The following VGLL4 variants were observed in gnomAD, a reference collection of about 807,000 sequenced individuals.
VGLL4 encodes the protein vestigial like family member 4.
VGLL4 carries 7 observed loss-of-function variants against 21.0 expected under a neutral mutation model. That is an observed-to-expected ratio of 0.33 (90% CI 0.19 to 0.63). The LOEUF is 0.63. VGLL4 is among the 20% of genes least tolerant of loss of function. VGLL4 has a pLI of 0.78. For synonymous variants in VGLL4, 222 were observed against 173.2 expected, an observed-to-expected ratio of 1.28 and a Z score of -2.21; for missense variants, 394 against 425.7, an observed-to-expected ratio of 0.93 and a Z score of 0.66.
At position 11,558,528 on chromosome 3, in the gene VGLL4, C is replaced by A; in HGVS notation, c.*28G>T. Reference sequence around the variant, plus strand: ...CAAAGCTCAGGCAAACCATGCAGATCCACGTGTTGTTGGAGGAGGCGCTCC... The same window carrying A: ...CAAAGCTCAGGCAAACCATGCAGATACACGTGTTGTTGGAGGAGGCGCTCC... On this transcript the variant is annotated 3_prime_UTR_variant, in exon 5 of 5. Coordinates refer to ENST00000430365, the MANE Select transcript of VGLL4 (RefSeq NM_001128219.3). 1 of 1,424,686 alleles carries A rather than the reference C, an allele frequency of 7.0e-7. No homozygotes were observed. Among genetic ancestry groups the A allele is most frequent in the South Asian group, 1.1e-5 (1 of 89,088 alleles). The allele number at this position is 1,424,686 out of a possible 1,614,324, so 88.3% of individuals were successfully genotyped here. A position where few individuals can be genotyped will look rare whatever the true frequency, so the allele number is the denominator to read the frequency against.
chr3:11,588,027 G>A (rs2074400467), intron 2 of VGLL4, among the ~76,000 whole-genome samples: 1 of 152,250 alleles, frequency 6.6e-6, no homozygotes, highest in Non-Finnish European at 1.5e-5. Flanking sequence ...ACATGTGGAA[G>A]TAAACATCAA....
At chr3:11,598,969 T>G (rs2074713442) in intron 2 of VGLL4, among the ~76,000 whole-genome samples, 1 of 152,210 alleles carries the variant, frequency 6.6e-6, no homozygotes, top group African/African-American at 2.4e-5. Context: ...TAATTATGAA[T>G]CTGTCATTTA....
At chr3:11,612,639 A>G (rs1254414183) in intron 1 of VGLL4, 8 of 152,330 alleles carry the variant, frequency 5.3e-5, no homozygotes, top group Non-Finnish European at 1.2e-4. Context: ...AGGTAGCCTC[A>G]GAGGCCTCTG....
intron 2 of VGLL4, among the ~76,000 whole-genome samples, chr3:11,571,669 GAAATAA>G: frequency 6.6e-6 from 1 of 152,050 alleles, no homozygotes; most frequent in East Asian, 1.9e-4. Flanking sequence ...CCTGTCTCAG[GAAATAA>G]AAATAAAATA....
chr3:11,573,510 T>G (rs143367298), intron 2 of VGLL4, among the ~76,000 whole-genome samples: 217 of 152,266 alleles, frequency 1.4e-3, no homozygotes, highest in African/African-American at 5.0e-3. Flanking sequence ...CTTCAACACA[T>G]GTGACCAGAA....
At chr3:11,564,771 C>A in intron 3 of VGLL4, 26 bp downstream of exon 3, 1 of 1,531,760 alleles carries the variant, frequency 6.5e-7, no homozygotes, top group Non-Finnish European at 8.7e-7. Flanking sequence ...GGACTCCCCA[C>A]GCCACCCTCC....
At chr3:11,561,115 G>C (rs1353889146) in intron 3 of VGLL4, among the ~76,000 whole-genome samples, 2 of 146,716 alleles carry the variant, frequency 1.4e-5, no homozygotes, top group Non-Finnish European at 3.0e-5. Flanking sequence ...ATGACCTTGG[G>C]CTCTAGGAGA....
chr3:11,666,831 G>A (rs936306167), intron 2 of VGLL4, among the ~76,000 whole-genome samples: 3 of 152,126 alleles, frequency 2.0e-5, no homozygotes, highest in African/African-American at 7.2e-5. Flanking sequence ...GTAATAAGTA[G>A]TTACTTACAA....
intron 2 of VGLL4, among the ~76,000 whole-genome samples, chr3:11,669,509 G>C (rs1438636322): frequency 6.6e-6 from 1 of 152,184 alleles, no homozygotes; most frequent in Non-Finnish European, 1.5e-5. Flanking sequence ...AATGGTGTAA[G>C]AGGGTGATGA....
chr3:11,615,232 G>T (rs141739028), intron 1 of VGLL4, among the ~76,000 whole-genome samples: 1 of 152,294 alleles, frequency 6.6e-6, no homozygotes, highest in African/African-American at 2.4e-5. Context: ...GGCAGGGAGG[G>T]TTGGGGGAGG....
At chr3:11,605,101 C>T (rs1168015327) in intron 1 of VGLL4, among the ~76,000 whole-genome samples, 2 of 25,772 alleles carry the variant, frequency 7.8e-5, no homozygotes, top group Admixed American at 3.9e-4. Context: ...CAAAGCGCCC[C>T]CACGCCCACC....
intron 3 of VGLL4, among the ~76,000 whole-genome samples, chr3:11,563,843 C>T (rs1389168004): frequency 1.3e-5 from 2 of 152,138 alleles, no homozygotes; most frequent in Non-Finnish European, 2.9e-5. Flanking sequence ...CTCAGCTTCA[C>T]CAGGATTCCC....
At chr3:11,639,063 G>A (rs56664144) in intron 1 of VGLL4, among the ~76,000 whole-genome samples, 319 of 152,268 alleles carry the variant, frequency 2.1e-3, no homozygotes, top group African/African-American at 7.1e-3. Flanking sequence ...TATAAATCAC[G>A]CTATTAAATT....
At chr3:11,671,391 G>A in intron 2 of VGLL4, 3 of 879,532 alleles carry the variant, frequency 3.4e-6, no homozygotes, top group Non-Finnish European at 5.7e-6. Context: ...GTTCCCAGGT[G>A]ACGCTGTGGG....
intron 2 of VGLL4, among the ~76,000 whole-genome samples, chr3:11,652,215 T>C (rs2075882160): frequency 6.6e-6 from 1 of 152,192 alleles, no homozygotes; most frequent in African/African-American, 2.4e-5. Flanking sequence ...ATATTTCAAA[T>C]ACAAAAATAA....
intron 2 of VGLL4, among the ~76,000 whole-genome samples, chr3:11,674,783 A>AT (rs981041025): frequency 2.0e-5 from 3 of 152,170 alleles, no homozygotes; most frequent in African/African-American, 7.2e-5. Context: ...TATTTTAATG[A>AT]TTTTTCCAAA....
chr3:11,637,487 C>A (rs557221246), intron 1 of VGLL4, among the ~76,000 whole-genome samples: 1 of 152,008 alleles, frequency 6.6e-6, no homozygotes, highest in Admixed American at 6.6e-5. Flanking sequence ...GAGTTTGGAA[C>A]GATCCTATGC....
intron 2 of VGLL4, among the ~76,000 whole-genome samples, chr3:11,585,429 T>A (rs1390925113): frequency 1.4e-5 from 2 of 143,604 alleles, no homozygotes; most frequent in African/African-American, 2.7e-5. Context: ...TGAGATTCCA[T>A]CTTAAAAAAA....
intron 2 of VGLL4, among the ~76,000 whole-genome samples, chr3:11,668,816 A>C (rs1203277113): frequency 6.6e-6 from 1 of 152,196 alleles, no homozygotes. Context: ...TCTCAGAGGG[A>C]AACTGACCTC....
Sources: gnomAD v4.1 joint callset for allele counts (sites outside exome capture counted in the v4.1 genomes callset) on GRCh38, gnomAD v4.1.1 for gene constraint, MANE v1.5 for transcripts, NCBI Gene and HGNC (gene_info 2026-07-23, HGNC 2026-07-21) for gene names.